HS6ST3: variants seen among roughly 807,000 people sequenced by gnomAD.
The protein encoded by HS6ST3 is heparan-sulfate 6-O-sulfotransferase 3.
Under a neutral mutation model 36.7 loss-of-function variants are expected in HS6ST3, and 12 were observed. The observed-to-expected ratio is 0.33, with a 90% CI of 0.21 to 0.53. The LOEUF is 0.53. Ranked by LOEUF, HS6ST3 falls within the 20% of genes least tolerant of loss-of-function variation. HS6ST3 has a pLI of 0.95. For missense variants in HS6ST3, 584 were observed against 640.9 expected (o/e 0.91, Z 0.96); for synonymous variants, 240 against 257.5 (o/e 0.93, Z 0.65).
chr13:96,213,538 T>C (rs929609196), intron 1 of HS6ST3, among the ~76,000 whole-genome samples: 2 of 152,080 alleles, frequency 1.3e-5, no homozygotes, highest in African/African-American at 4.8e-5. Context: ...TTTTTTTTTT[T>C]TTTTTTTAGA....
intron 1 of HS6ST3, among the ~76,000 whole-genome samples, chr13:96,546,420 C>T (rs1009099851): frequency 6.6e-6 from 1 of 152,064 alleles, no homozygotes; most frequent in Non-Finnish European, 1.5e-5. Context: ...CAGGGATTGA[C>T]GGTCTGGAGG....
At chr13:96,724,453 C>A (rs746410219) in intron 1 of HS6ST3, among the ~76,000 whole-genome samples, 5 of 152,158 alleles carry the variant, frequency 3.3e-5, no homozygotes, top group Non-Finnish European at 7.3e-5. Context: ...TCATTACAAT[C>A]AAGATACTGA....
At chr13:96,650,477 G>T (rs940016458) in intron 1 of HS6ST3, among the ~76,000 whole-genome samples, 1 of 151,874 alleles carries the variant, frequency 6.6e-6, no homozygotes, top group East Asian at 1.9e-4. Flanking sequence ...CAAGGAATAA[G>T]GTACATTCTG....
chr13:96,297,121 T>A (rs2054858877), intron 1 of HS6ST3, among the ~76,000 whole-genome samples: 1 of 152,176 alleles, frequency 6.6e-6, no homozygotes, highest in Non-Finnish European at 1.5e-5. Context: ...GGGTCCCTAG[T>A]TACTATATTT....
intron 1 of HS6ST3, among the ~76,000 whole-genome samples, chr13:96,549,181 C>T (rs546792488): frequency 2.0e-5 from 3 of 152,220 alleles, no homozygotes; most frequent in East Asian, 1.9e-4. Context: ...TCCAGTTCTC[C>T]AAGACTGACC....
chr13:96,749,119 A>C (rs1018528539), intron 1 of HS6ST3, among the ~76,000 whole-genome samples: 3 of 152,156 alleles, frequency 2.0e-5, no homozygotes, highest in African/African-American at 7.2e-5. Context: ...AACTATCTAA[A>C]ATGAGCAACT....
intron 1 of HS6ST3, among the ~76,000 whole-genome samples, chr13:96,528,782 A>C (rs1594800482): frequency 6.6e-6 from 1 of 152,198 alleles, no homozygotes; most frequent in Non-Finnish European, 1.5e-5. Flanking sequence ...TGACTTTTCG[A>C]ACATATTTGT....
rs936718293 is a variant in HS6ST3, at chr13:96,586,969, A to G, written c.708-245521A>G. Among the ~76,000 whole-genome samples, 5 of 152,158 alleles carry G rather than the reference A, an allele frequency of 3.3e-5. No homozygotes were observed. The South Asian group carries it at 1.0e-3, about 31-fold the overall frequency. ...CAATCCATTTTGAGTTGATCTTTAT[A>G]TATAGTATGCGATAAGGGTCTAATA... On this transcript the variant is annotated intron_variant, in intron 1 of 1. Coordinates refer to ENST00000376705, the MANE Select transcript of HS6ST3 (RefSeq NM_153456.4).
chr13:96,106,705 T>C (rs1437555834), intron 1 of HS6ST3, among the ~76,000 whole-genome samples: 1 of 152,190 alleles, frequency 6.6e-6, no homozygotes, highest in East Asian at 1.9e-4. Flanking sequence ...GTTGGTGGAA[T>C]TGACAGTTGA....
intron 1 of HS6ST3, among the ~76,000 whole-genome samples, chr13:96,568,658 T>G (rs920347581): frequency 1.3e-5 from 2 of 152,178 alleles, no homozygotes; most frequent in Non-Finnish European, 2.9e-5. Flanking sequence ...ATATTTATCA[T>G]TTAGTGAACA....
At chr13:96,237,678 C>T (rs1049081905) in intron 1 of HS6ST3, among the ~76,000 whole-genome samples, 3 of 152,118 alleles carry the variant, frequency 2.0e-5, no homozygotes, top group Admixed American at 1.3e-4. Context: ...GTTTTTAACC[C>T]CAACACTCAG....
intron 1 of HS6ST3, among the ~76,000 whole-genome samples, chr13:96,690,149 T>A (rs1233188787): frequency 2.6e-5 from 4 of 151,772 alleles, no homozygotes; most frequent in Non-Finnish European, 5.9e-5. Flanking sequence ...CAACATTAGG[T>A]TTAATAGCAT....
intron 1 of HS6ST3, among the ~76,000 whole-genome samples, chr13:96,505,410 G>T (rs2056022342): frequency 6.6e-6 from 1 of 152,130 alleles, no homozygotes; most frequent in African/African-American, 2.4e-5. Flanking sequence ...TATTTCTAAG[G>T]ATTCTCAAAG....
At chr13:96,313,638 C>G (rs184887209) in intron 1 of HS6ST3, among the ~76,000 whole-genome samples, 58 of 152,248 alleles carry the variant, frequency 3.8e-4, no homozygotes, top group Non-Finnish European at 4.0e-4. Flanking sequence ...AATGTAATGT[C>G]CCCCATGATA....
chr13:96,819,219 C>T (rs573969007), intron 1 of HS6ST3, among the ~76,000 whole-genome samples: 3 of 152,274 alleles, frequency 2.0e-5, no homozygotes, highest in African/African-American at 7.2e-5. Context: ...CAGAATAAGA[C>T]TTTCACCATT....
At chr13:96,769,739 T>TGTGC (rs1877212748) in intron 1 of HS6ST3, among the ~76,000 whole-genome samples, 1 of 58,578 alleles carries the variant, frequency 1.7e-5, no homozygotes, top group African/African-American at 3.6e-5. Context: ...TAGCTCTGTG[T>TGTGC]GTGTGTGTGT....
chr13:96,399,470 A>G (rs965662263), intron 1 of HS6ST3, among the ~76,000 whole-genome samples: 1 of 152,214 alleles, frequency 6.6e-6, no homozygotes, highest in Non-Finnish European at 1.5e-5. Flanking sequence ...CATAGCCTCT[A>G]TGCATTTTGG....
At chr13:96,166,896 A>T (rs943152254) in intron 1 of HS6ST3, among the ~76,000 whole-genome samples, 1 of 151,944 alleles carries the variant, frequency 6.6e-6, no homozygotes, top group African/African-American at 2.4e-5. Flanking sequence ...GTGAGTTCTC[A>T]CTAAATCTGA....
At chr13:96,578,641 A>G (rs1043788645) in intron 1 of HS6ST3, among the ~76,000 whole-genome samples, 1 of 151,864 alleles carries the variant, frequency 6.6e-6, no homozygotes, top group Non-Finnish European at 1.5e-5. Context: ...GCTCACTTCA[A>G]CCTCTGCTTT....
Sources: gnomAD v4.1 joint callset for allele counts (sites outside exome capture counted in the v4.1 genomes callset) on GRCh38, gnomAD v4.1.1 for gene constraint, MANE v1.5 for transcripts, NCBI Gene and HGNC (gene_info 2026-07-23, HGNC 2026-07-21) for gene names.